Variants in CCDC178 observed in about 807,000 individuals in gnomAD.
The protein encoded by CCDC178 is coiled-coil domain containing 178, also known as coiled-coil domain-containing protein 178.
In CCDC178, 126 loss-of-function variants were observed where a neutral mutation model predicts 117.4. The observed-to-expected ratio is 1.07, with a 90% CI of 0.93 to 1.24. The LOEUF (loss-of-function observed/expected upper bound fraction) is 1.24. Ranked by LOEUF, CCDC178 falls within the 50% of genes most tolerant of loss-of-function variation. The probability of loss-of-function intolerance (pLI) is 0.00; values close to 1 mark genes in which losing one functional copy is unlikely to be tolerated. For missense variants in CCDC178, 1,030 were observed against 986.9 expected, an observed-to-expected ratio of 1.04 and a Z score of -0.59; for synonymous variants, 283 against 313.4, an observed-to-expected ratio of 0.90 and a Z score of 1.02.
chr18:33,008,922 C>A (rs2055805004), intron 21 of CCDC178, among the ~76,000 whole-genome samples: 1 of 152,098 alleles, frequency 6.6e-6, no homozygotes, highest in African/African-American at 2.4e-5. Flanking sequence ...TGTCTTAAAT[C>A]CATCTCAGAT....
chr18:33,334,506 A>G (rs781578341), intron 9 of CCDC178, among the ~76,000 whole-genome samples: 4 of 152,088 alleles, frequency 2.6e-5, no homozygotes, highest in African/African-American at 9.6e-5. Flanking sequence ...TTCTGGCATT[A>G]ACTGAATCTT....
chr18:33,320,778 C>T (rs944295630), intron 11 of CCDC178, among the ~76,000 whole-genome samples: 1 of 152,120 alleles, frequency 6.6e-6, no homozygotes, highest in Non-Finnish European at 1.5e-5. Flanking sequence ...GCCTGCATTG[C>T]CAAGTCAATC....
chr18:33,353,456 T>C (rs1044240781), intron 7 of CCDC178, among the ~76,000 whole-genome samples: 1 of 152,102 alleles, frequency 6.6e-6, no homozygotes, highest in African/African-American at 2.4e-5. Context: ...TCATTTTCTA[T>C]ATTATTTATT....
At chr18:33,053,431 G>C (rs2056777514) in intron 21 of CCDC178, among the ~76,000 whole-genome samples, 1 of 152,166 alleles carries the variant, frequency 6.6e-6, no homozygotes, top group African/African-American at 2.4e-5. Context: ...ATGGTGGACG[G>C]ACATAGGTAA....
chr18:33,056,737 T>C (rs541011129), intron 21 of CCDC178, among the ~76,000 whole-genome samples: 3 of 152,232 alleles, frequency 2.0e-5, no homozygotes, highest in Middle Eastern at 3.4e-3. Context: ...AATTCAATGC[T>C]AAAGGGAGAT....
At chr18:33,010,298 A>G (rs2055837457) in intron 21 of CCDC178, among the ~76,000 whole-genome samples, 1 of 152,124 alleles carries the variant, frequency 6.6e-6, no homozygotes, top group Non-Finnish European at 1.5e-5. Flanking sequence ...AAAGGAAAAC[A>G]TGTTTCAGAT....
At chr18:33,389,462 G>T in intron 5 of CCDC178, 78 bp downstream of exon 5, 1 of 560,904 alleles carries the variant, frequency 1.8e-6, no homozygotes, top group Non-Finnish European at 2.9e-6. Context: ...AATAGAAATA[G>T]TATTGACATT....
chr18:33,185,699 G>A (rs967603946), intron 20 of CCDC178, among the ~76,000 whole-genome samples: 4 of 152,004 alleles, frequency 2.6e-5, no homozygotes, highest in African/African-American at 9.7e-5. Context: ...TTTAGTAAAA[G>A]GGGAAGTTCT....
chr18:33,349,018 G>A (rs1340089430), intron 7 of CCDC178, 43 bp from the exon 8 acceptor site: 2 of 1,303,128 alleles, frequency 1.5e-6, no homozygotes, highest in Non-Finnish European at 1.1e-6. Context: ...AGTACTTAAA[G>A]TTAGTAAAAC....
chr18:33,262,955 A>G (rs960684191), intron 14 of CCDC178, among the ~76,000 whole-genome samples: 2 of 152,158 alleles, frequency 1.3e-5, no homozygotes, highest in Non-Finnish European at 2.9e-5. Flanking sequence ...GGACTTTAGG[A>G]AAGCCACTTT....
At chr18:33,284,199 A>C (rs1359057869) in intron 12 of CCDC178, among the ~76,000 whole-genome samples, 1 of 152,202 alleles carries the variant, frequency 6.6e-6, no homozygotes, top group Non-Finnish European at 1.5e-5. Context: ...GTGGGAGCTA[A>C]ATGATGAGAA....
intron 19 of CCDC178, among the ~76,000 whole-genome samples, 199 bp downstream of exon 19, chr18:33,215,351 C>T (rs577108818): frequency 1.3e-5 from 2 of 151,720 alleles, no homozygotes; most frequent in Non-Finnish European, 2.9e-5. Flanking sequence ...AGAACAAACC[C>T]GAGAAGCAAT....
At chr18:33,272,906 A>G (rs1457845397) in intron 12 of CCDC178, among the ~76,000 whole-genome samples, 1 of 151,448 alleles carries the variant, frequency 6.6e-6, no homozygotes, top group Admixed American at 6.6e-5. Flanking sequence ...TATCCTGATA[A>G]AAATGTACCT....
intron 11 of CCDC178, among the ~76,000 whole-genome samples, chr18:33,299,057 A>G (rs1354198448): frequency 6.6e-6 from 1 of 152,158 alleles, no homozygotes. Context: ...GCAACCTACA[A>G]TTTAAATGCA....
At chr18:33,099,871 G>A (rs1037111012) in intron 20 of CCDC178, among the ~76,000 whole-genome samples, 1 of 151,918 alleles carries the variant, frequency 6.6e-6, no homozygotes, top group South Asian at 2.1e-4. Flanking sequence ...TGTCCAAGGC[G>A]AGTTCTCTGA....
At chr18:33,141,006 G>A (rs943132799) in intron 20 of CCDC178, among the ~76,000 whole-genome samples, 1 of 152,136 alleles carries the variant, frequency 6.6e-6, no homozygotes, top group Non-Finnish European at 1.5e-5. Context: ...TTTAATATGG[G>A]AGTTTCCCTG....
intron 14 of CCDC178, among the ~76,000 whole-genome samples, chr18:33,247,964 C>G (rs543858935): frequency 6.6e-6 from 1 of 151,400 alleles, no homozygotes; most frequent in Non-Finnish European, 1.5e-5. Flanking sequence ...TTTAAAAATG[C>G]GAGAAATTTC....
At chr18:33,338,496 C>T (rs547444577) in intron 9 of CCDC178, among the ~76,000 whole-genome samples, 109 of 152,236 alleles carry the variant, frequency 7.2e-4, no homozygotes, top group Middle Eastern at 3.4e-3. Context: ...ATGGAACCAG[C>T]CCAAATGCCC....
chr18:33,177,328 G>A (rs940301998), intron 20 of CCDC178, among the ~76,000 whole-genome samples: 9 of 152,100 alleles, frequency 5.9e-5, no homozygotes, highest in East Asian at 3.9e-4. Context: ...AAACCTGCAC[G>A]TTCTGCACAT....
Sources: gnomAD v4.1 joint callset for allele counts (sites outside exome capture counted in the v4.1 genomes callset) on GRCh38, gnomAD v4.1.1 for gene constraint, MANE v1.5 for transcripts, NCBI Gene and HGNC (gene_info 2026-07-23, HGNC 2026-07-21) for gene names.